The following GIGYF2 variants were observed in gnomAD, a reference collection of about 807,000 sequenced individuals.
GIGYF2 encodes the protein GRB10 interacting GYF protein 2.
A neutral mutation model predicts 208.1 loss-of-function variants in GIGYF2; 25 were observed. That is an observed-to-expected ratio of 0.12 (90% CI 0.09 to 0.17). The LOEUF (loss-of-function observed/expected upper bound fraction) is 0.17. GIGYF2 is among the 10% of genes least tolerant of loss of function. GIGYF2 has a pLI of 1.00. For missense variants in GIGYF2, 1,302 were observed against 1,579.4 expected (o/e 0.82, Z 2.98); for synonymous variants, 534 against 543.8 (o/e 0.98, Z 0.25).
At position 232,791,404 on chromosome 2, in the gene GIGYF2, A is replaced by T. The variant is rs1330024342; in HGVS notation, c.1240A>T (p.Met414Leu). Residue 414 changes from methionine (M) to leucine (L), a missense_variant, in exon 12 of 29, where the codon ATG becomes TTG. By Grantham distance (15) the Met-to-Leu change is conservative. Coordinates refer to ENST00000373563, the MANE Select transcript of GIGYF2 (RefSeq NM_001103146.3). ...GGAAAAAGCTGAAGAGGAGACTCGG[A>T]TGGAAAATAGTCTACCAGCCAAAGT... Reference protein sequence around the residue: ...QTEKAEEETRMENSLPAKVPS... With the variant: ...QTEKAEEETRLENSLPAKVPS... 6.2e-7 allele frequency: 1 copy of T among 1,614,084 alleles called. No individual in the cohort carries two copies. The highest frequency in any genetic ancestry group is 2.2e-5 in the East Asian group (1 of 44,856).
intron 21 of GIGYF2, among the ~76,000 whole-genome samples, chr2:232,831,718 A>G (rs1701429344): frequency 6.6e-6 from 1 of 152,144 alleles, no homozygotes; most frequent in African/African-American, 2.4e-5. Flanking sequence ...CTCCTCTGCC[A>G]TTTCCTGGTG....
At chr2:232,710,636 A>C (rs912693186) in intron 2 of GIGYF2, among the ~76,000 whole-genome samples, 1 of 151,424 alleles carries the variant, frequency 6.6e-6, no homozygotes, top group African/African-American at 2.4e-5. Flanking sequence ...GAAAACGTAC[A>C]GTTTGAAAAC....
At chr2:232,753,994 T>C (rs1425386945) in intron 5 of GIGYF2, among the ~76,000 whole-genome samples, 1 of 152,004 alleles carries the variant, frequency 6.6e-6, no homozygotes, top group Non-Finnish European at 1.5e-5. Context: ...TGAAACCCCA[T>C]TTCTACTAAA....
chr2:232,743,125 T>G (rs927137773), intron 3 of GIGYF2, among the ~76,000 whole-genome samples: 1 of 152,296 alleles, frequency 6.6e-6, no homozygotes, highest in South Asian at 2.1e-4. Context: ...CTGCTGCCAC[T>G]TATTTACTAC....
At chr2:232,797,981 CAAAAAAAAAA>C (rs57991158) in intron 14 of GIGYF2, among the ~76,000 whole-genome samples, 70 of 102,390 alleles carry the variant, frequency 6.8e-4, no homozygotes, top group African/African-American at 1.7e-3. Context: ...ACTGTGCCTC[CAAAAAAAAAA>C]AAAAAAAAAA....
At chr2:232,721,110 G>T (rs1162453390) in intron 2 of GIGYF2, among the ~76,000 whole-genome samples, 1 of 152,186 alleles carries the variant, frequency 6.6e-6, no homozygotes, top group Non-Finnish European at 1.5e-5. Context: ...CATTCCTTCA[G>T]AGGCACTGTC....
intron 2 of GIGYF2, among the ~76,000 whole-genome samples, chr2:232,732,102 C>A (rs765696913): frequency 2.0e-5 from 3 of 152,158 alleles, no homozygotes; most frequent in Non-Finnish European, 4.4e-5. Context: ...ACCAGTCATG[C>A]AAAGTATTGG....
intron 8 of GIGYF2, among the ~76,000 whole-genome samples, chr2:232,770,399 T>C (rs1699186469): frequency 6.6e-6 from 1 of 152,192 alleles, no homozygotes; most frequent in South Asian, 2.1e-4. Flanking sequence ...CTCTAACATA[T>C]AATGCTGACT....
rs1439091340 is a variant in GIGYF2 at position 232,806,714 on chromosome 2, C to T, written c.1806+57C>T. On this transcript the variant is annotated intron_variant, in intron 15 of 28. Coordinates refer to ENST00000373563, the MANE Select transcript of GIGYF2 (RefSeq NM_001103146.3). This position sits in a 1 kb window ranked among gnomAD's most constrained non-coding sequence, Gnocchi z 4.0. Reference sequence around the variant, plus strand: ...ATTAGTCACGGAAACACTTGATTCTCTTTGAAAACACAACCCAAATATATC... The same window carrying T: ...ATTAGTCACGGAAACACTTGATTCTTTTTGAAAACACAACCCAAATATATC... 3 of 1,220,294 alleles carry T rather than the reference C, an allele frequency of 2.5e-6. No individual in the cohort carries two copies. Among genetic ancestry groups the T allele is most frequent in the African/African-American group, 3.0e-5 (2 of 67,352 alleles). The allele number at this position is 1,220,294 out of a possible 1,614,324, so 75.6% of individuals were successfully genotyped here.
At chr2:232,720,815 G>A (rs896921320) in intron 2 of GIGYF2, among the ~76,000 whole-genome samples, 4 of 151,964 alleles carry the variant, frequency 2.6e-5, no homozygotes, top group African/African-American at 9.7e-5. Context: ...GGCTGGTTTC[G>A]AACTCCTGGC....
At chr2:232,790,515 C>T (rs550542694) in intron 9 of GIGYF2, among the ~76,000 whole-genome samples, 183 bp from the exon 10 acceptor site, 10 of 152,250 alleles carry the variant, frequency 6.6e-5, no homozygotes, top group African/African-American at 1.9e-4. Flanking sequence ...GTTGTCATCT[C>T]GTAATGGTAC....
At chr2:232,776,579 A>G (rs1699523723) in intron 8 of GIGYF2, 3 of 734,676 alleles carry the variant, frequency 4.1e-6, no homozygotes, top group South Asian at 3.0e-5. Context: ...TTTACAGCTT[A>G]CATTCCTCTG....
At chr2:232,723,461 C>T (rs531871033) in intron 2 of GIGYF2, among the ~76,000 whole-genome samples, 6 of 142,028 alleles carry the variant, frequency 4.2e-5, no homozygotes, top group African/African-American at 7.8e-5. Flanking sequence ...GACAGAGTCT[C>T]GCTCTGTCAC....
At chr2:232,793,235 C>T (rs1388991060) in intron 12 of GIGYF2, among the ~76,000 whole-genome samples, 1 of 152,172 alleles carries the variant, frequency 6.6e-6, no homozygotes, top group Non-Finnish European at 1.5e-5. Context: ...ATGGATTTGA[C>T]AGCAGGGTAT....
chr2:232,733,908 G>T (rs1559391370), intron 2 of GIGYF2, among the ~76,000 whole-genome samples: 1 of 152,014 alleles, frequency 6.6e-6, no homozygotes, highest in Non-Finnish European at 1.5e-5. Context: ...ATCCGAGGTT[G>T]GTTGAATCCA....
chr2:232,715,580 GAAAA>G (rs377446361), intron 2 of GIGYF2, among the ~76,000 whole-genome samples: 1 of 142,466 alleles, frequency 7.0e-6, no homozygotes, highest in Non-Finnish European at 1.5e-5. Context: ...GGCTTTCTGG[GAAAA>G]AAAAAAAAAA....
intron 23 of GIGYF2, chr2:232,843,181 G>A (rs3220814): frequency 0.7 from 102,024 of 146,396 alleles, 35,207 homozygotes; most frequent in African/African-American, 0.74. Flanking sequence ...GTGTGTGTGT[G>A]TATAATCTGT....
intron 6 of GIGYF2, among the ~76,000 whole-genome samples, chr2:232,758,895 G>A (rs1698643428): frequency 6.6e-6 from 1 of 152,042 alleles, no homozygotes; most frequent in Non-Finnish European, 1.5e-5. Context: ...CATTATTTTA[G>A]GATCTTAAAT....
At chr2:232,856,653 C>A in intron 28 of GIGYF2, 140 bp from the exon 29 acceptor site, 1 of 741,138 alleles carries the variant, frequency 1.3e-6, no homozygotes, top group Non-Finnish European at 2.5e-6. Flanking sequence ...GATCACGCCA[C>A]TGCACTCCAG....
Sources: allele counts gnomAD v4.1 joint callset (sites outside exome capture counted in the v4.1 genomes callset), GRCh38; gene constraint gnomAD v4.1.1; non-coding constraint Gnocchi (gnomAD v3.1); transcripts MANE v1.5; gene names NCBI Gene and HGNC (gene_info 2026-07-23, HGNC 2026-07-21).